Variants in NUP98 observed in about 807,000 individuals in gnomAD.
NUP98 encodes nucleoporin 98 and 96 precursor.
NUP98 carries 26 observed loss-of-function variants against 191.9 expected under a neutral mutation model. That is an observed-to-expected ratio of 0.14 (90% CI 0.10 to 0.19). The LOEUF is 0.19. Ranked by LOEUF, NUP98 falls within the 10% of genes least tolerant of loss-of-function variation. The probability of loss-of-function intolerance (pLI) is 1.00; values close to 1 mark genes in which losing one functional copy is unlikely to be tolerated. For missense variants in NUP98, 1,941 were observed against 2,178.8 expected (o/e 0.89, Z 2.17); for synonymous variants, 808 against 778.4 (o/e 1.04, Z -0.63).
intron 14 of NUP98, among the ~76,000 whole-genome samples, chr11:3,729,083 T>A (rs558885259): frequency 6.6e-6 from 1 of 152,112 alleles, no homozygotes; most frequent in Non-Finnish European, 1.5e-5. Context: ...AGTGAAGATG[T>A]AGAGTAGGGT....
chr11:3,701,682 C>CTTTTTTT (rs1564820335), intron 23 of NUP98, among the ~76,000 whole-genome samples: 5 of 150,794 alleles, frequency 3.3e-5, no homozygotes, highest in Non-Finnish European at 3.0e-5. Flanking sequence ...TTTTCTTTTT[C>CTTTTTTT]TTTTCTCTCT....
chr11:3,685,235 C>T (rs1189327772), intron 29 of NUP98, among the ~76,000 whole-genome samples: 3 of 152,114 alleles, frequency 2.0e-5, no homozygotes, highest in African/African-American at 4.8e-5. Flanking sequence ...TTGTTCAAAC[C>T]GCAGTGAAAA....
rs148396539 is a variant in NUP98, at chr11:3,700,441, G to A, written c.3742+169C>T. The stretch of plus-strand genomic sequence containing the variant: ...AAGAACAAAGTGACAAGAACATAGT[G>A]ACAATTTCTTCTTGCTTGGGAATCT... On this transcript the variant is annotated intron_variant, in intron 24 of 32. Transcript: ENST00000324932. Among the ~76,000 whole-genome samples the A allele has an allele frequency of 9.0e-4, 137 of 152,266 alleles. 2 individuals carry two copies. The East Asian group carries it at 0.023, about 26-fold the overall frequency.
At chr11:3,773,283 G>C (rs1233882685) in intron 6 of NUP98, among the ~76,000 whole-genome samples, 1 of 151,936 alleles carries the variant, frequency 6.6e-6, no homozygotes, top group Non-Finnish European at 1.5e-5. Flanking sequence ...ACATGCCAGT[G>C]GTCCCACCTA....
intron 2 of NUP98, 122 bp from the exon 3 acceptor site, chr11:3,779,379 C>A: frequency 1.2e-6 from 1 of 839,832 alleles, no homozygotes; most frequent in Non-Finnish European, 1.9e-6. Flanking sequence ...TGGTGGCTCA[C>A]GCCTGTAATC....
chr11:3,684,198 C>G (rs11029019), intron 29 of NUP98, among the ~76,000 whole-genome samples: 125,146 of 152,070 alleles, frequency 0.82, 51,680 homozygotes, highest in Middle Eastern at 0.92. Context: ...GGCGACAAGA[C>G]CGAAACTCCA....
chr11:3,752,764 C>T (rs2134440339), intron 11 of NUP98, among the ~76,000 whole-genome samples: 1 of 152,280 alleles, frequency 6.6e-6, no homozygotes, highest in South Asian at 2.1e-4. Context: ...TGACCATCAT[C>T]ACGCTCCAGC....
At chr11:3,745,850 T>C (rs2080469303) in intron 11 of NUP98, among the ~76,000 whole-genome samples, 1 of 152,156 alleles carries the variant, frequency 6.6e-6, no homozygotes, top group Non-Finnish European at 1.5e-5. Flanking sequence ...TCAAAAATAT[T>C]GTATGGGAAC....
intron 14 of NUP98, among the ~76,000 whole-genome samples, chr11:3,726,400 T>A (rs1476862535): frequency 6.7e-6 from 1 of 150,026 alleles, no homozygotes; most frequent in Admixed American, 6.7e-5. Flanking sequence ...AATAATGCCA[T>A]AAGTTAGTTC....
rs554586868 is a variant in NUP98 at position 3,753,202 on chromosome 11, A to G, written c.1267+114T>C. On this transcript the variant is annotated intron_variant, in intron 11 of 32. Transcript: ENST00000324932. The stretch of plus-strand genomic sequence containing the variant: ...ATGTCTTATAAACGCAACTGGAAAA[A>G]CGAAAAGGTAGACTTCTTAATTCCA... 5 of 886,080 alleles carry G rather than the reference A, an allele frequency of 5.6e-6. No homozygotes were observed. The Admixed American group carries it at 7.5e-5, about 13-fold the overall frequency. The allele number at this position is 886,080 out of a possible 1,614,324, so 54.9% of individuals were successfully genotyped here.
chr11:3,741,176 A>G (rs1310734488), intron 12 of NUP98, among the ~76,000 whole-genome samples: 1 of 152,096 alleles, frequency 6.6e-6, no homozygotes, highest in African/African-American at 2.4e-5. Context: ...AAGTACTATC[A>G]AAACAAAAAT....
chr11:3,751,906 G>A (rs572038201), intron 11 of NUP98, among the ~76,000 whole-genome samples: 55 of 151,962 alleles, frequency 3.6e-4, no homozygotes, highest in African/African-American at 1.3e-3. Flanking sequence ...GGCTGGGCGC[G>A]GTGGCTCATG....
chr11:3,796,786 CT>C (rs1163386387), intron 1 of NUP98, among the ~76,000 whole-genome samples: 2 of 152,166 alleles, frequency 1.3e-5, no homozygotes, highest in Non-Finnish European at 2.9e-5. Flanking sequence ...GGGGGATTGA[CT>C]TAAACAATTT....
intron 14 of NUP98, among the ~76,000 whole-genome samples, chr11:3,729,770 A>G (rs570878431): frequency 2.9e-4 from 43 of 149,696 alleles, no homozygotes; most frequent in Non-Finnish European, 5.9e-4. Flanking sequence ...ACACCACAGA[A>G]GTGAGGCCAA....
At chr11:3,687,851 G>A (rs1262528853) in intron 28 of NUP98, among the ~76,000 whole-genome samples, 3 of 151,860 alleles carry the variant, frequency 2.0e-5, no homozygotes, top group African/African-American at 4.8e-5. Flanking sequence ...CACGAGGTCA[G>A]GAGATCGAGA....
intron 10 of NUP98, among the ~76,000 whole-genome samples, chr11:3,753,791 A>G (rs1709570): frequency 4.9e-4 from 61 of 123,890 alleles, no homozygotes; most frequent in Non-Finnish European, 8.6e-4. Context: ...AAAAAAAAAA[A>G]GGCCAGGTAT....
intron 8 of NUP98, among the ~76,000 whole-genome samples, 170 bp from the exon 9 acceptor site, chr11:3,763,209 A>AT (rs932388037): frequency 6.6e-6 from 1 of 152,166 alleles, no homozygotes; most frequent in Non-Finnish European, 1.5e-5. Context: ...CAGGGAGTAT[A>AT]TTTTTCAAAA....
At chr11:3,723,764 A>C (rs2079499583) in intron 15 of NUP98, among the ~76,000 whole-genome samples, 1 of 151,644 alleles carries the variant, frequency 6.6e-6, no homozygotes, top group African/African-American at 2.4e-5. Context: ...AATAATAAAA[A>C]ACACTAGAAT....
chr11:3,719,914 C>T (rs2079329949), intron 17 of NUP98, among the ~76,000 whole-genome samples: 1 of 151,960 alleles, frequency 6.6e-6, no homozygotes, highest in South Asian at 2.1e-4. Context: ...CACATATCAT[C>T]AGGCCTGGCT....
Sources: gnomAD v4.1 joint callset for allele counts (sites outside exome capture counted in the v4.1 genomes callset) on GRCh38, gnomAD v4.1.1 for gene constraint, MANE v1.5 for transcripts, NCBI Gene and HGNC (gene_info 2026-07-23, HGNC 2026-07-21) for gene names.